The following SLC8A1 variants were observed in gnomAD, a reference collection of about 807,000 sequenced individuals.
The protein encoded by SLC8A1 is sodium/calcium exchanger 1.
Under a neutral mutation model 68.3 loss-of-function variants are expected in SLC8A1, and 18 were observed. The ratio of observed to expected loss-of-function variants is 0.26; its 90% CI spans 0.18 to 0.39. SLC8A1 has a LOEUF of 0.39. SLC8A1 is among the 10% of genes least tolerant of loss of function. SLC8A1 has a pLI of 1.00. For missense variants in SLC8A1, 985 were observed against 1,156.7 expected (o/e 0.85, Z 2.15); for synonymous variants, 475 against 415.5 (o/e 1.14, Z -1.74).
chr2:40,253,369 A>G (rs1395165123), intron 2 of SLC8A1, among the ~76,000 whole-genome samples: 1 of 151,450 alleles, frequency 6.6e-6, no homozygotes, highest in African/African-American at 2.4e-5. Context: ...TTGTCCAGCC[A>G]TAGAAAATAA....
intron 2 of SLC8A1, among the ~76,000 whole-genome samples, chr2:40,364,515 T>TC (rs904005124): frequency 3.3e-5 from 5 of 151,090 alleles, no homozygotes; most frequent in African/African-American, 1.2e-4. Context: ...AATCCTTTTT[T>TC]TTTGTTGTTG....
chr2:40,444,930 G>A (rs1701168271), intron 1 of SLC8A1, among the ~76,000 whole-genome samples: 1 of 152,122 alleles, frequency 6.6e-6, no homozygotes, highest in African/African-American at 2.4e-5. Context: ...CATTTTGCGT[G>A]TACTTATCTT....
intron 6 of SLC8A1, among the ~76,000 whole-genome samples, chr2:40,151,561 A>G (rs773713596): frequency 5.3e-5 from 8 of 152,102 alleles, no homozygotes; most frequent in Non-Finnish European, 8.8e-5. Flanking sequence ...GTTCCTATTA[A>G]TAGAGCATAA....
intron 6 of SLC8A1, among the ~76,000 whole-genome samples, chr2:40,151,506 T>C (rs532679278): frequency 6.6e-6 from 1 of 152,314 alleles, no homozygotes; most frequent in African/African-American, 2.4e-5. Flanking sequence ...TGTTGTTTTT[T>C]TTTATTTAGA....
At chr2:40,372,818 A>T (rs1193550990) in intron 2 of SLC8A1, among the ~76,000 whole-genome samples, 6 of 152,106 alleles carry the variant, frequency 3.9e-5, no homozygotes, top group African/African-American at 7.2e-5. Flanking sequence ...TCACGTCTCC[A>T]GTGTAACAGT....
At chr2:40,278,766 T>G (rs768735119) in intron 2 of SLC8A1, among the ~76,000 whole-genome samples, 4 of 149,548 alleles carry the variant, frequency 2.7e-5, no homozygotes, top group Non-Finnish European at 5.9e-5. Flanking sequence ...GCTCTTAGTC[T>G]TCTACTAATG....
chr2:40,341,153 T>G (rs1264458024), intron 2 of SLC8A1, among the ~76,000 whole-genome samples: 1 of 152,198 alleles, frequency 6.6e-6, no homozygotes, highest in Non-Finnish European at 1.5e-5. Context: ...CTTTGTGTAC[T>G]CCCTGGCTCT....
At chr2:40,295,334 C>A (rs754462169) in intron 2 of SLC8A1, among the ~76,000 whole-genome samples, 3 of 152,036 alleles carry the variant, frequency 2.0e-5, no homozygotes, top group Non-Finnish European at 2.9e-5. Flanking sequence ...AACTCCTGGG[C>A]TCAACAGATC....
At chr2:40,258,605 CTGAAGACAGTGGATCACT>C (rs2064262873) in intron 2 of SLC8A1, among the ~76,000 whole-genome samples, 1 of 152,126 alleles carries the variant, frequency 6.6e-6, no homozygotes, top group East Asian at 1.9e-4. Context: ...TTTTGGGAGG[CTGAAGACAGTGGATCACT>C]TGAAGCCAGG....
chr2:40,169,031 T>A (rs1049597024), intron 4 of SLC8A1, among the ~76,000 whole-genome samples: 1 of 152,180 alleles, frequency 6.6e-6, no homozygotes, highest in African/African-American at 2.4e-5. Flanking sequence ...TTGCAAGCAA[T>A]AGCAAATAAT....
chr2:40,312,628 G>A (rs1466064337), intron 2 of SLC8A1, among the ~76,000 whole-genome samples: 3 of 151,944 alleles, frequency 2.0e-5, no homozygotes, highest in African/African-American at 7.2e-5. Flanking sequence ...TTTCTATAAG[G>A]ATGGACTTCT....
At chr2:40,238,847 A>T (rs1290160870) in intron 2 of SLC8A1, among the ~76,000 whole-genome samples, 1 of 152,206 alleles carries the variant, frequency 6.6e-6, no homozygotes, top group East Asian at 1.9e-4. Flanking sequence ...TTTCTCCTGA[A>T]AGTAACAATG....
At chr2:40,447,625 A>C (rs1351215293) in intron 1 of SLC8A1, among the ~76,000 whole-genome samples, 1 of 151,694 alleles carries the variant, frequency 6.6e-6, no homozygotes, top group East Asian at 1.9e-4. Flanking sequence ...ACATATGCTA[A>C]TGATTTGTGA....
intron 1 of SLC8A1, among the ~76,000 whole-genome samples, chr2:40,483,599 A>G (rs1052976222): frequency 1.3e-5 from 2 of 152,208 alleles, no homozygotes; most frequent in Non-Finnish European, 2.9e-5. Context: ...CCTCAATTTT[A>G]TCTGCTCAGA....
At chr2:40,283,316 A>T (rs1559086772) in intron 2 of SLC8A1, among the ~76,000 whole-genome samples, 1 of 152,220 alleles carries the variant, frequency 6.6e-6, no homozygotes, top group Non-Finnish European at 1.5e-5. Flanking sequence ...ATTATCTCTG[A>T]TTATTTGATA....
At chr2:40,461,901 T>C (rs917276236) in intron 1 of SLC8A1, among the ~76,000 whole-genome samples, 5 of 152,026 alleles carry the variant, frequency 3.3e-5, no homozygotes, top group Admixed American at 6.6e-5. Flanking sequence ...AAATCTAGTG[T>C]TGATTTAACA....
At chr2:40,230,078 A>G (rs770048113) in intron 2 of SLC8A1, among the ~76,000 whole-genome samples, 4 of 152,164 alleles carry the variant, frequency 2.6e-5, no homozygotes, top group Non-Finnish European at 5.9e-5. Context: ...GCATCATCAG[A>G]GCTAGGGCTG....
chr2:40,262,168 G>A (rs916783822), intron 2 of SLC8A1, among the ~76,000 whole-genome samples: 5 of 152,086 alleles, frequency 3.3e-5, no homozygotes, highest in East Asian at 1.9e-4. Flanking sequence ...TCACCATGTT[G>A]GCCAGGATGG....
chr2:40,200,173 G>GAGATATATATATATATAT (rs1553407546), intron 2 of SLC8A1, among the ~76,000 whole-genome samples: 2 of 4,748 alleles, frequency 4.2e-4, no homozygotes, highest in Non-Finnish European at 1.6e-3. Flanking sequence ...TCAAGTCATT[G>GAGATATATATATATATAT]ATATATATAT....
Sources: allele counts gnomAD v4.1 joint callset (sites outside exome capture counted in the v4.1 genomes callset), GRCh38; gene constraint gnomAD v4.1.1; transcripts MANE v1.5; gene names NCBI Gene and HGNC (gene_info 2026-07-23, HGNC 2026-07-21).